The following ARTN variants were observed in gnomAD, a reference collection of about 807,000 sequenced individuals.
The protein encoded by ARTN is artemin.
Under a neutral mutation model 15.4 loss-of-function variants are expected in ARTN, and 9 were observed. The ratio of observed to expected loss-of-function variants is 0.58; its 90% CI spans 0.35 to 1.02. The LOEUF is 1.02. ARTN is among the 50% of genes least tolerant of loss of function. The pLI, the probability that ARTN is intolerant of heterozygous loss-of-function variation, is 0.02. For synonymous variants in ARTN, 163 were observed against 155.8 expected (o/e 1.05, Z -0.35); for missense variants, 284 against 327.9 (o/e 0.87, Z 1.03).
chr1:43,935,149 G>A (rs1445956777), intron 2 of ARTN, among the ~76,000 whole-genome samples: 1 of 152,168 alleles, frequency 6.6e-6, no homozygotes, highest in Non-Finnish European at 1.5e-5. Flanking sequence ...AACTCTTAGA[G>A]TGACCAGCTA....
At chr1:43,935,511 G>A (rs1182859125) in intron 2 of ARTN, 79 bp from the exon 3 acceptor site, 3 of 761,276 alleles carry the variant, frequency 3.9e-6, no homozygotes, top group African/African-American at 3.5e-5. Flanking sequence ...AGCTGTGTAG[G>A]CCCCTTGTTC....
chr1:43,935,411 A>G (rs2085079590), intron 2 of ARTN, 179 bp from the exon 3 acceptor site: 3 of 533,794 alleles, frequency 5.6e-6, no homozygotes, highest in Non-Finnish European at 9.9e-6. Flanking sequence ...GGATTAAACC[A>G]TTTACCTCAT....
chr1:43,936,514 G>A lies in ARTN; in HGVS notation c.412G>A (p.Gly138Ser). The change falls in exon 5 of 5, where the codon GGC (glycine) becomes AGC (serine). Residue 138 changes from glycine (G) to serine (S), a missense_variant. Coordinates refer to ENST00000372359, the MANE Select transcript of ARTN (RefSeq NM_057091.3). This position sits in a 1 kb window ranked among gnomAD's most constrained non-coding sequence, Gnocchi z 6.6. ...QLVPVRALGL[G>S]HRSDELVRFR... Reference sequence around the variant, plus strand: ...GGTGCCGGTGCGCGCGCTCGGCCTGGGCCACCGCTCCGACGAGCTGGTGCG... The same window carrying A: ...GGTGCCGGTGCGCGCGCTCGGCCTGAGCCACCGCTCCGACGAGCTGGTGCG... 1 of 1,461,426 alleles carries A rather than the reference G, an allele frequency of 6.8e-7. No individual in the cohort carries two copies. Among genetic ancestry groups the A allele is most frequent in the Non-Finnish European group, 9.0e-7 (1 of 1,112,218 alleles). 90.5% of individuals were successfully genotyped at this position (1,461,426 alleles called of 1,614,324 possible).
At position 43,936,612 on chromosome 1, in the gene ARTN, C is replaced by A. The variant is rs1485556901; in HGVS notation, c.510C>A (p.Gly170=). 3 of 1,591,956 alleles carry A rather than the reference C, an allele frequency of 1.9e-6. No homozygotes were observed. The highest frequency in any genetic ancestry group is 1.7e-6 in the Non-Finnish European group (2 of 1,170,114). ...ACCTCAGCCTGGCCAGCCTACTGGG[C>A]GCCGGGGCCCTGCGACCGCCCCCGG... ...PHDLSLASLL[G]AGALRPPPGS... is the part of the protein sequence containing the mutation. The change falls in exon 5 of 5, where the codon GGC becomes GGA. Residue 170 remains glycine (G), a synonymous_variant. Transcript: ENST00000372359. The surrounding 1 kb of genome is among the most constrained non-coding windows in gnomAD (Gnocchi z 6.6).
In ARTN at chr1:43,936,053, C is replaced by T. The variant is rs918109186; in HGVS notation, c.61-40C>T. 1 of 1,613,508 alleles carries T rather than the reference C, an allele frequency of 6.2e-7. No homozygotes were observed. Among genetic ancestry groups the T allele is most frequent in the South Asian group, 1.1e-5 (1 of 90,986 alleles). Reference sequence around the variant, plus strand: ...TTCCTCCCCAAGCCCACCTGGGTGCCCTCTTTCTCCCTGAGGCTCCACTTG... The same window carrying T: ...TTCCTCCCCAAGCCCACCTGGGTGCTCTCTTTCTCCCTGAGGCTCCACTTG... On this transcript the variant is annotated intron_variant, in intron 3 of 4. Transcript: ENST00000372359. The surrounding 1 kb of genome is among the most constrained non-coding windows in gnomAD (Gnocchi z 6.6).
Position 43,936,579 on chromosome 1 carries a change from T to G in ARTN, c.477T>G (p.Ser159=), listed in dbSNP as rs903678287. The change falls in exon 5 of 5, where the codon TCT becomes TCG. Residue 159 remains serine (S), a synonymous_variant. Transcript: ENST00000372359. This position sits in a 1 kb window ranked among gnomAD's most constrained non-coding sequence, Gnocchi z 6.6. Reference sequence around the variant, plus strand: ...GCGGCTCCTGCCGCCGCGCGCGCTCTCCACACGACCTCAGCCTGGCCAGCC... The same window carrying G: ...GCGGCTCCTGCCGCCGCGCGCGCTCGCCACACGACCTCAGCCTGGCCAGCC... The part of the protein sequence containing the change: ...FCSGSCRRAR[S]PHDLSLASLL... 1.6e-4 allele frequency: 253 copies of G among 1,573,414 alleles called. 2 individuals are homozygous for G. Among genetic ancestry groups the G allele is most frequent in the Admixed American group, 2.8e-4 (16 of 56,586 alleles).
intron 2 of ARTN, 143 bp from the exon 3 acceptor site, chr1:43,935,446 AG>A (rs1349251338): frequency 3.5e-6 from 2 of 566,524 alleles, no homozygotes; most frequent in Non-Finnish European, 6.2e-6. Flanking sequence ...ATAGCTGCAA[AG>A]CACCTAACAC....
At position 43,934,768 on chromosome 1, in the gene ARTN, G is replaced by T. The variant is rs1048604899; in HGVS notation, c.-68+508G>T. On this transcript the variant is annotated intron_variant, in intron 2 of 4. Transcript: ENST00000372359. Reference sequence around the variant, plus strand: ...TCCATAGGAGGCTGGGAGGGGGACAGACCTAGACCAGCTCCCAGGGTGGCT... The same window carrying T: ...TCCATAGGAGGCTGGGAGGGGGACATACCTAGACCAGCTCCCAGGGTGGCT... 5.3e-5 allele frequency among the ~76,000 whole-genome samples: 8 copies of T among 152,292 alleles called. No individual in the cohort carries two copies. In the South Asian group the frequency reaches 1.7e-3, roughly 32 times the overall value.
Position 43,936,588 on chromosome 1 carries a change from C to A in ARTN, c.486C>A (p.Asp162Glu), listed in dbSNP as rs1382130116. 8 of 1,584,846 alleles carry A rather than the reference C, an allele frequency of 5.0e-6. No homozygotes were observed. The highest frequency in any genetic ancestry group is 6.0e-6 in the Non-Finnish European group (7 of 1,167,648). Residue 162 changes from aspartate (D) to glutamate (E), a missense_variant, in exon 5 of 5, where the codon GAC becomes GAA. Asp to Glu is a conservative substitution (Grantham distance 45). Transcript: ENST00000372359. The surrounding 1 kb of genome is among the most constrained non-coding windows in gnomAD (Gnocchi z 6.6). The stretch of plus-strand genomic sequence containing the variant: ...GCCGCCGCGCGCGCTCTCCACACGA[C>A]CTCAGCCTGGCCAGCCTACTGGGCG... ...GSCRRARSPH[D>E]LSLASLLGAG... is the part of the protein sequence containing the mutation.
At position 43,936,332 on chromosome 1, in the gene ARTN, G is replaced by C; in HGVS notation, c.230G>C (p.Arg77Thr). Residue 77 changes from arginine (R) to threonine (T), a missense_variant, in exon 5 of 5, where the codon AGA becomes ACA. Transcript: ENST00000372359. This position sits in a 1 kb window ranked among gnomAD's most constrained non-coding sequence, Gnocchi z 6.6. ...GGRTARWCSG[R>T]ARRPPPQPSR... ...CGCACGGCCCGCTGGTGCAGTGGAAGAGCCCGGCGGCCGCCGCCGCAGCCT... is the reference window on the plus strand; with the variant it reads ...CGCACGGCCCGCTGGTGCAGTGGAACAGCCCGGCGGCCGCCGCCGCAGCCT... 7.5e-7 allele frequency: 1 copy of C among 1,334,624 alleles called. No individual in the cohort carries two copies. The highest frequency in any genetic ancestry group is 9.5e-7 in the Non-Finnish European group (1 of 1,049,654). 82.7% of individuals were successfully genotyped at this position (1,334,624 alleles called of 1,614,324 possible).
chr1:43,935,618 C>G lies in ARTN; in HGVS notation c.-39C>G. 1.2e-6 allele frequency: 2 copies of G among 1,606,552 alleles called. No individual in the cohort carries two copies. Among genetic ancestry groups the G allele is most frequent in the Non-Finnish European group, 1.7e-6 (2 of 1,175,848 alleles). On this transcript the variant is annotated 5_prime_UTR_variant, in exon 3 of 5. Transcript: ENST00000372359. Reference sequence around the variant, plus strand: ...CCTCAACAGGAGGGTGGGGGAACAGCTCAACAATGGCTGATGGGCGCTCCT... The same window carrying G: ...CCTCAACAGGAGGGTGGGGGAACAGGTCAACAATGGCTGATGGGCGCTCCT...
chr1:43,935,933 C>A, intron 3 of ARTN, 160 bp from the exon 4 acceptor site: 1 of 1,080,718 alleles, frequency 9.3e-7, no homozygotes, highest in Non-Finnish European at 1.4e-6. Context: ...ACCCATTATA[C>A]TGGAACCTAG....
chr1:43,936,493 C>G lies in ARTN; in HGVS notation c.391C>G (p.Pro131Ala), dbSNP rs1326109569. ...RGCRLRSQLVPVRALGLGHRS... is the reference protein window; with the variant it reads ...RGCRLRSQLVAVRALGLGHRS... ...CTGCCGCCTGCGCTCGCAGCTGGTG[C>G]CGGTGCGCGCGCTCGGCCTGGGCCA... Residue 131 changes from proline to alanine, a missense_variant, in exon 5 of 5, where the codon CCG becomes GCG. Pro to Ala is a conservative substitution (Grantham distance 27). Transcript: ENST00000372359. The surrounding 1 kb of genome is among the most constrained non-coding windows in gnomAD (Gnocchi z 6.6). 2.9e-6 allele frequency: 4 copies of G among 1,362,928 alleles called. No individual in the cohort carries two copies. In the South Asian group the frequency reaches 6.6e-5, roughly 22 times the overall value. The allele number at this position is 1,362,928 out of a possible 1,614,324, so 84.4% of individuals were successfully genotyped here.
intron 2 of ARTN, among the ~76,000 whole-genome samples, chr1:43,935,001 T>G (rs2085076487): frequency 6.6e-6 from 1 of 152,162 alleles, no homozygotes. Context: ...CCCGGCTCTG[T>G]GGTCATCGAG....
chr1:43,935,691 C>A lies in ARTN; in HGVS notation c.35C>A (p.Ser12Tyr). The A allele has an allele frequency of 1.9e-6, 3 of 1,613,402 alleles. No individual in the cohort carries two copies. The highest frequency in any genetic ancestry group is 2.5e-6 in the Non-Finnish European group (3 of 1,179,666). ...GGACTTGGAGGCCTCTCCACGCTGT[C>A]CCACTGCCCCTGGCCTAGGCAGCAG... The part of the protein sequence containing the change: ...ELGLGGLSTL[S>Y]HCPWPRQQPA... Residue 12 changes from serine (S) to tyrosine (Y), a missense_variant, in exon 3 of 5, where the codon TCC becomes TAC. Ser to Tyr is a moderately radical substitution (Grantham distance 144). Transcript: ENST00000372359.
intron 3 of ARTN, 88 bp downstream of exon 3, chr1:43,935,804 G>A: frequency 7.5e-7 from 1 of 1,335,792 alleles, no homozygotes. Context: ...TTGGGCAGCG[G>A]TTAGGTGTGG....
Position 43,936,446 on chromosome 1 carries a change from C to A in ARTN, c.344C>A (p.Ala115Asp), listed in dbSNP as rs1320708637. The A allele has an allele frequency of 2.0e-5, 23 of 1,149,504 alleles. No individual in the cohort carries two copies. Among genetic ancestry groups the A allele is most frequent in the Non-Finnish European group, 2.5e-5 (23 of 936,344 alleles). 71.2% of individuals were successfully genotyped at this position (1,149,504 alleles called of 1,614,324 possible). A position where few individuals can be genotyped will look rare whatever the true frequency, so the allele number is the denominator to read the frequency against. The change falls in exon 5 of 5, where the codon GCT (alanine) becomes GAT (aspartate). Residue 115 changes from alanine to aspartate, a missense_variant. Coordinates refer to ENST00000372359, the MANE Select transcript of ARTN (RefSeq NM_057091.3). The surrounding 1 kb of genome is among the most constrained non-coding windows in gnomAD (Gnocchi z 6.6). ...AARAGGPGSRARAAGARGCRL... is the reference protein window; with the variant it reads ...AARAGGPGSRDRAAGARGCRL... ...CGGGCTGGGGGCCCGGGCAGCCGCG[C>A]TCGGGCAGCGGGGGCGCGGGGCTGC...
In ARTN at chr1:43,935,772, G is replaced by T. The variant is rs1306090716; in HGVS notation, c.60+56G>T. On this transcript the variant is annotated intron_variant, in intron 3 of 4. Coordinates refer to ENST00000372359, the MANE Select transcript of ARTN (RefSeq NM_057091.3). ...GTACTGAGGAAAGGCGGCTTGACTGGTGAGGGAGAGCAGGGCTTGGCTTGG... is the reference window on the plus strand; with the variant it reads ...GTACTGAGGAAAGGCGGCTTGACTGTTGAGGGAGAGCAGGGCTTGGCTTGG... 2.0e-6 allele frequency: 3 copies of T among 1,529,416 alleles called. No homozygotes were observed. The East Asian group carries it at 7.0e-5, about 36-fold the overall frequency. The allele number at this position is 1,529,416 out of a possible 1,614,324, so 94.7% of individuals were successfully genotyped here. A position where few individuals can be genotyped will look rare whatever the true frequency, so the allele number is the denominator to read the frequency against.
At chr1:43,935,108 G>A (rs1318284600) in intron 2 of ARTN, among the ~76,000 whole-genome samples, 2 of 152,214 alleles carry the variant, frequency 1.3e-5, no homozygotes, top group Admixed American at 6.5e-5. Flanking sequence ...GGGCAGCACA[G>A]GCTGAGGCTT....
Sources: allele counts gnomAD v4.1 joint callset (sites outside exome capture counted in the v4.1 genomes callset), GRCh38; gene constraint gnomAD v4.1.1; non-coding constraint Gnocchi (gnomAD v3.1); transcripts MANE v1.5; gene names NCBI Gene and HGNC (gene_info 2026-07-23, HGNC 2026-07-21).